WDR27: variants seen among roughly 807,000 people sequenced by gnomAD.
WDR27 encodes the protein WD repeat-containing protein 27.
Under a neutral mutation model 114.4 loss-of-function variants are expected in WDR27, and 100 were observed. That is an observed-to-expected ratio of 0.87 (90% confidence interval 0.74 to 1.03). The LOEUF (loss-of-function observed/expected upper bound fraction) is 1.03, where lower values mean the gene tolerates loss of function less well. WDR27 is among the 50% of genes least tolerant of loss of function. The pLI is 0.00. For missense variants in WDR27, 1,129 were observed against 1,092.9 expected, an observed-to-expected ratio of 1.03 and a Z score of -0.47; for synonymous variants, 449 against 423.1, an observed-to-expected ratio of 1.06 and a Z score of -0.75.
intron 24 of WDR27, among the ~76,000 whole-genome samples, chr6:169,576,735 C>G (rs547825134): frequency 6.1e-5 from 9 of 147,832 alleles, no homozygotes; most frequent in East Asian, 2.0e-4. Context: ...TCACTGTACT[C>G]TAGCCTGGGC....
At chr6:169,639,459 C>T (rs915400266) in intron 17 of WDR27, among the ~76,000 whole-genome samples, 4 of 149,978 alleles carry the variant, frequency 2.7e-5, no homozygotes, top group African/African-American at 5.0e-5. Flanking sequence ...CTGCTGTCAA[C>T]GTTGAAGAAA....
At position 169,701,990 on chromosome 6, in the gene WDR27, A is replaced by T. The variant is rs1788214803; in HGVS notation, c.-447T>A. 9.7e-6 allele frequency: 4 copies of T among 411,344 alleles called. No homozygotes were observed. Among genetic ancestry groups the T allele is most frequent in the Middle Eastern group, 6.3e-4 (1 of 1,594 alleles). The allele number at this position is 411,344 out of a possible 1,614,324, so 25.5% of individuals were successfully genotyped here. A position where few individuals can be genotyped will look rare whatever the true frequency, so the allele number is the denominator to read the frequency against. Reference sequence around the variant, plus strand: ...CACACTCCGCCCCACGCTCGCCGCTATGGTTACTTGCCAGCCGACCCACGC... The same window carrying T: ...CACACTCCGCCCCACGCTCGCCGCTTTGGTTACTTGCCAGCCGACCCACGC... On this transcript the variant is annotated 5_prime_UTR_variant, in exon 1 of 26. Transcript: ENST00000448612.
intron 17 of WDR27, among the ~76,000 whole-genome samples, chr6:169,639,044 T>C (rs529671361): frequency 1.8e-3 from 272 of 150,096 alleles, no homozygotes; most frequent in Non-Finnish European, 1.6e-3. Flanking sequence ...TGCGTGGTGC[T>C]GGGTACTGTG....
chr6:169,670,588 ATT>A lies in WDR27; in HGVS notation c.435_436del (p.Lys145AsnfsTer7). ...TCTTACCTCAATATCCAGCATGAAT[ATT>A]TTGTTTCCAGCACACACGGCAACAA... On this transcript the variant is annotated frameshift_variant, in exon 4 of 26. Coordinates refer to ENST00000448612, the MANE Select transcript of WDR27 (RefSeq NM_182552.5). LOFTEE classifies it high-confidence loss of function. 1 of 1,613,984 alleles carries A rather than the reference ATT, an allele frequency of 6.2e-7. No individual in the cohort carries two copies. The highest frequency in any genetic ancestry group is 2.2e-5 in the East Asian group (1 of 44,876).
intron 25 of WDR27, among the ~76,000 whole-genome samples, chr6:169,547,232 A>C (rs569292459): frequency 6.6e-6 from 1 of 152,182 alleles, no homozygotes; most frequent in Non-Finnish European, 1.5e-5. Context: ...GGTGAATTAT[A>C]CCAGATATTT....
intron 18 of WDR27, among the ~76,000 whole-genome samples, chr6:169,637,941 T>C (rs1324087952): frequency 2.0e-5 from 3 of 152,142 alleles, no homozygotes; most frequent in East Asian, 1.9e-4. Flanking sequence ...GTGGCAAGTA[T>C]GTAAGTGTGC....
At chr6:169,597,244 C>A (rs567861193) in intron 23 of WDR27, among the ~76,000 whole-genome samples, 1 of 152,314 alleles carries the variant, frequency 6.6e-6, no homozygotes, top group East Asian at 1.9e-4. Context: ...GACTTGTACT[C>A]TATTTCCCTG....
chr6:169,579,266 A>G (rs1213949335), intron 24 of WDR27, among the ~76,000 whole-genome samples: 2 of 152,236 alleles, frequency 1.3e-5, no homozygotes, highest in Non-Finnish European at 2.9e-5. Context: ...GTGGAGGTAG[A>G]AGAGAGAGCC....
At chr6:169,613,444 T>G in intron 22 of WDR27, 115 bp downstream of exon 22, 1 of 790,030 alleles carries the variant, frequency 1.3e-6, no homozygotes, top group Non-Finnish European at 2.0e-6. Context: ...CAGTCTTAGA[T>G]TAGTCAGTGT....
intron 13 of WDR27, among the ~76,000 whole-genome samples, chr6:169,654,745 G>A (rs1562828872): frequency 6.6e-6 from 1 of 150,988 alleles, no homozygotes; most frequent in East Asian, 2.0e-4. Flanking sequence ...GAGGAGGCGC[G>A]CACAGGGTTA....
chr6:169,528,985 T>C (rs1014340164), intron 25 of WDR27, among the ~76,000 whole-genome samples: 1 of 152,280 alleles, frequency 6.6e-6, no homozygotes. Context: ...TCCTAAAAAG[T>C]ATTAAGAGAA....
intron 25 of WDR27, among the ~76,000 whole-genome samples, chr6:169,499,046 C>A (rs922770327): frequency 3.3e-5 from 5 of 152,204 alleles, no homozygotes; most frequent in African/African-American, 1.2e-4. Flanking sequence ...CCCCATTACT[C>A]AGAAATATGA....
chr6:169,613,694 AG>A, intron 21 of WDR27, 38 bp from the exon 22 acceptor site: 1 of 1,550,446 alleles, frequency 6.4e-7, no homozygotes, highest in Non-Finnish European at 8.9e-7. Context: ...GTACTTTCAA[AG>A]GTTGAGTTAA....
At chr6:169,428,570 C>T in the WDR27 span, among the ~76,000 whole-genome samples, 1 of 117,156 alleles carries the variant, frequency 8.5e-6, no homozygotes, top group Non-Finnish European at 1.6e-5. Context: ...AAACAGCTTT[C>T]TTAGCTGCTC....
chr6:169,454,407 C>T (rs539943137), downstream of WDR27, among the ~76,000 whole-genome samples: 3 of 152,240 alleles, frequency 2.0e-5, no homozygotes, highest in African/African-American at 7.2e-5. Flanking sequence ...ACATGACTCA[C>T]ACAGGTTATC....
At chr6:169,437,418 T>A in the WDR27 span, among the ~76,000 whole-genome samples, 1 of 152,154 alleles carries the variant, frequency 6.6e-6, no homozygotes, top group African/African-American at 2.4e-5. Flanking sequence ...CTGAAATCTG[T>A]TTTTTTACAT....
At chr6:169,623,203 C>A (rs1212692121) in intron 21 of WDR27, among the ~76,000 whole-genome samples, 2 of 152,158 alleles carry the variant, frequency 1.3e-5, no homozygotes. Flanking sequence ...GTGCGGCCCC[C>A]ACCCAGGAAC....
chr6:169,529,499 T>C (rs917113676), intron 25 of WDR27, among the ~76,000 whole-genome samples: 1 of 152,234 alleles, frequency 6.6e-6, no homozygotes, highest in Non-Finnish European at 1.5e-5. Flanking sequence ...TTTCTGTATC[T>C]GCATCTTACA....
the WDR27 span, among the ~76,000 whole-genome samples, chr6:169,437,562 A>G: frequency 6.6e-6 from 1 of 152,146 alleles, no homozygotes; most frequent in East Asian, 1.9e-4. Context: ...GAAGCTTTTC[A>G]GACCCATATC....
Sources: gnomAD v4.1 joint callset for allele counts (sites outside exome capture counted in the v4.1 genomes callset) on GRCh38, gnomAD v4.1.1 for gene constraint, MANE v1.5 for transcripts, NCBI Gene and HGNC (gene_info 2026-07-23, HGNC 2026-07-21) for gene names.